The following SRR variants were observed in gnomAD, a reference collection of about 807,000 sequenced individuals.
SRR encodes D-serine ammonia-lyase.
In SRR, 19 loss-of-function variants were observed where a neutral mutation model predicts 32.7. That is an observed-to-expected ratio of 0.58 (90% CI 0.40 to 0.85). The LOEUF is 0.85. Ranked by LOEUF, SRR falls within the 40% of genes least tolerant of loss-of-function variation. The pLI is 0.00. For missense variants in SRR, 373 were observed against 404.7 expected (o/e 0.92, Z 0.67); for synonymous variants, 142 against 140.9 (o/e 1.01, Z -0.06).
chr17:2,316,113 G>A (rs745774521), intron 2 of SRR, among the ~76,000 whole-genome samples: 2 of 152,048 alleles, frequency 1.3e-5, no homozygotes, highest in Non-Finnish European at 2.9e-5. Context: ...TTTACTGTAC[G>A]ATTTCTGTGT....
chr17:2,317,193 A>G (rs2075480887), intron 2 of SRR, among the ~76,000 whole-genome samples: 1 of 113,164 alleles, frequency 8.8e-6, no homozygotes, highest in Non-Finnish European at 1.7e-5. Flanking sequence ...ATAGAGGAAG[A>G]CTCCATCTCG....
Position 2,317,973 on chromosome 17 carries a change from TCA to T in SRR, c.274_275del (p.Thr92LeufsTer22). 1 of 1,613,444 alleles carries T rather than the reference TCA, an allele frequency of 6.2e-7. No individual in the cohort carries two copies. The highest frequency in any genetic ancestry group is 8.5e-7 in the Non-Finnish European group (1 of 1,179,616). ...AGCAGTGGAAACCATGGCCAGGCTC[TCA>T]CCTATGCTGCCAAATTGGAAGGTAC... On this transcript the variant is annotated frameshift_variant, in exon 3 of 8. Transcript: ENST00000344595. LOFTEE classifies it high-confidence loss of function.
intron 4 of SRR, among the ~76,000 whole-genome samples, 168 bp downstream of exon 4, chr17:2,319,097 T>G (rs990346027): frequency 1.3e-5 from 2 of 152,156 alleles, no homozygotes; most frequent in African/African-American, 4.8e-5. Context: ...TTAGTCTCAT[T>G]TCTTAAATTA....
chr17:2,313,001 G>A (rs954963845), intron 1 of SRR, among the ~76,000 whole-genome samples: 5 of 152,152 alleles, frequency 3.3e-5, no homozygotes, highest in Admixed American at 6.6e-5. Context: ...ATTCATAGAC[G>A]TGATAATAAC....
Position 2,303,985 on chromosome 17 carries a change from C to T in SRR, c.-37C>T. On this transcript the variant is annotated 5_prime_UTR_variant, in exon 1 of 8. Coordinates refer to ENST00000344595, the MANE Select transcript of SRR (RefSeq NM_021947.3). Reference sequence around the variant, plus strand: ...GTGCGGCCGGGGAGGCGCGCGGAGGCTGGAGCTGGAGGCGCGGCGCCGGTG... The same window carrying T: ...GTGCGGCCGGGGAGGCGCGCGGAGGTTGGAGCTGGAGGCGCGGCGCCGGTG... 1 of 339,210 alleles carries T rather than the reference C, an allele frequency of 2.9e-6. No individual in the cohort carries two copies. The allele number at this position is 339,210 out of a possible 1,614,324, so 21.0% of individuals were successfully genotyped here.
At chr17:2,321,643 C>T in intron 6 of SRR, 27 bp downstream of exon 6, 1 of 1,605,466 alleles carries the variant, frequency 6.2e-7, no homozygotes, top group Non-Finnish European at 8.5e-7. Context: ...GGATTCCCTG[C>T]TTCAAGCAGA....
At position 2,323,916 on chromosome 17, in the gene SRR, C is replaced by T; in HGVS notation, c.*43C>T. On this transcript the variant is annotated 3_prime_UTR_variant, in exon 8 of 8. Coordinates refer to ENST00000344595, the MANE Select transcript of SRR (RefSeq NM_021947.3). The stretch of plus-strand genomic sequence containing the variant: ...GGTGGGAATTCAGTGTCTTTAGATA[C>T]TGAAGACATTTTGTTTCCTAGTATT... The T allele has an allele frequency of 1.3e-6, 2 of 1,546,700 alleles. No individual in the cohort carries two copies. The highest frequency in any genetic ancestry group is 2.7e-5 in the African/African-American group (2 of 73,518).
chr17:2,319,944 G>C (rs923059222), intron 4 of SRR, among the ~76,000 whole-genome samples: 3 of 150,248 alleles, frequency 2.0e-5, no homozygotes, highest in East Asian at 2.0e-4. Context: ...TCAGCCTCCC[G>C]AGTAGCTGGG....
chr17:2,307,246 G>A, intron 1 of SRR: 1 of 1,240,046 alleles, frequency 8.1e-7, no homozygotes, highest in Non-Finnish European at 1.2e-6. Context: ...GGATAAGACT[G>A]TCATTCAGAA....
chr17:2,315,016 G>T (rs1440389187), intron 1 of SRR, among the ~76,000 whole-genome samples: 2 of 151,920 alleles, frequency 1.3e-5, no homozygotes, highest in African/African-American at 4.8e-5. Flanking sequence ...GGCCGAGGCA[G>T]GCGGATCACG....
intron 4 of SRR, 149 bp from the exon 5 acceptor site, chr17:2,321,157 G>A (rs1299904184): frequency 2.2e-6 from 2 of 890,132 alleles, no homozygotes; most frequent in East Asian, 2.5e-5. Flanking sequence ...GTGCTTGAGG[G>A]CAGGGATATT....
chr17:2,307,679 C>T (rs1177194616), intron 1 of SRR: 2 of 983,286 alleles, frequency 2.0e-6, no homozygotes, highest in Non-Finnish European at 3.2e-6. Flanking sequence ...ATGGCGGTTC[C>T]AGTAGCAGCA....
intron 1 of SRR, among the ~76,000 whole-genome samples, chr17:2,304,788 T>C (rs1432185136): frequency 6.6e-6 from 1 of 151,846 alleles, no homozygotes; most frequent in Non-Finnish European, 1.5e-5. Flanking sequence ...AATTTGGGAA[T>C]TTCTGTGTCA....
intron 1 of SRR, among the ~76,000 whole-genome samples, chr17:2,312,841 A>G (rs2075443058): frequency 6.6e-6 from 1 of 152,230 alleles, no homozygotes; most frequent in South Asian, 2.1e-4. Flanking sequence ...AAATCTTGCA[A>G]CAAGGCTATT....
intron 1 of SRR, among the ~76,000 whole-genome samples, chr17:2,308,276 CAATT>C (rs949953119): frequency 2.6e-5 from 4 of 151,568 alleles, no homozygotes; most frequent in Admixed American, 1.3e-4. Context: ...ATATAGAAGA[CAATT>C]AAAGGAAAAT....
At chr17:2,308,331 CT>C (rs758737580) in intron 1 of SRR, among the ~76,000 whole-genome samples, 1 of 152,076 alleles carries the variant, frequency 6.6e-6, no homozygotes, top group Non-Finnish European at 1.5e-5. Context: ...AAGAGCTGTA[CT>C]TTAAATAGAT....
In SRR at chr17:2,323,173, C is replaced by A; in HGVS notation, c.632C>A (p.Pro211His). 6.2e-7 allele frequency: 1 copy of A among 1,614,180 alleles called. No homozygotes were observed. Among genetic ancestry groups the A allele is most frequent in the Non-Finnish European group, 8.5e-7 (1 of 1,180,036 alleles). ...KPSVKVYAAE[P>H]SNADDCYQSK... ...AGTGTGAAGGTATATGCTGCTGAACCCTCAAATGCAGATGACTGCTACCAG... is the reference window on the plus strand; with the variant it reads ...AGTGTGAAGGTATATGCTGCTGAACACTCAAATGCAGATGACTGCTACCAG... The change falls in exon 7 of 8, where the codon CCC becomes CAC. Residue 211 changes from proline (P) to histidine (H), a missense_variant. By Grantham distance (77) the Pro-to-His change is moderately conservative. Coordinates refer to ENST00000344595, the MANE Select transcript of SRR (RefSeq NM_021947.3).
chr17:2,307,676 T>A, intron 1 of SRR: 1 of 987,710 alleles, frequency 1.0e-6, no homozygotes, highest in East Asian at 2.4e-5. Context: ...GCTATGGCGG[T>A]TCCAGTAGCA....
intron 4 of SRR, among the ~76,000 whole-genome samples, chr17:2,319,320 A>G (rs1295468885): frequency 6.6e-6 from 1 of 152,208 alleles, no homozygotes; most frequent in Admixed American, 6.5e-5. Flanking sequence ...TTACTCAAAA[A>G]AAAGTTGGAG....
Sources: gnomAD v4.1 joint callset for allele counts (sites outside exome capture counted in the v4.1 genomes callset) on GRCh38, gnomAD v4.1.1 for gene constraint, MANE v1.5 for transcripts, NCBI Gene and HGNC (gene_info 2026-07-23, HGNC 2026-07-21) for gene names.